Variants in PDZD4 observed in about 807,000 individuals in gnomAD.
PDZD4 encodes the protein PDZ domain containing 4.
In PDZD4, 9 loss-of-function variants were observed where a neutral mutation model predicts 38.5. The ratio of observed to expected loss-of-function variants is 0.23; its 90% CI spans 0.14 to 0.41. The LOEUF (loss-of-function observed/expected upper bound fraction) is 0.41. Among genes scored for constraint, PDZD4 ranks in the 10% least tolerant of loss-of-function variants. The pLI, the probability that PDZD4 is intolerant of heterozygous loss-of-function variation, is 1.00. For synonymous variants in PDZD4, 349 were observed against 315.7 expected (o/e 1.11, Z -1.12); for missense variants, 612 against 722.0 (o/e 0.85, Z 1.75).
intron 1 of PDZD4, among the ~76,000 whole-genome samples, chrX:153,815,112 G>A (rs1438011552): frequency 3.5e-5 from 4 of 112,978 alleles, no homozygotes; most frequent in Non-Finnish European, 5.6e-5. Flanking sequence ...GCCCCATGGC[G>A]ACTCTTCAGC....
At chrX:153,811,638 T>C (rs960846435) in intron 1 of PDZD4, among the ~76,000 whole-genome samples, 1 of 112,827 alleles carries the variant, frequency 8.9e-6, no homozygotes, top group African/African-American at 3.2e-5. Context: ...TACTTAAATC[T>C]TTGTGTAACC....
Position 153,808,353 on chromosome X carries a change from G to A in PDZD4, c.303C>T (p.Val101=). ...TPPMVILEPY[V]LSELPPISHE... is the part of the protein sequence containing the mutation. ...TGAGGGCGACTCACAGCTCAGAGAGGACGTACGGCTCCAGGATGACCATGG... is the reference window on the plus strand; with the variant it reads ...TGAGGGCGACTCACAGCTCAGAGAGAACGTACGGCTCCAGGATGACCATGG... Residue 101 remains valine (V), a synonymous_variant, in exon 2 of 8, where the codon GTC becomes GTT. Coordinates refer to ENST00000393758, the MANE Select transcript of PDZD4 (RefSeq NM_001303512.2). 3 of 1,208,340 alleles carry A rather than the reference G, an allele frequency of 2.5e-6. No homozygotes were observed. The highest frequency in any genetic ancestry group is 3.4e-6 in the Non-Finnish European group (3 of 893,936).
Position 153,804,183 on chromosome X carries a change from G to A in PDZD4, c.1498C>T (p.Arg500Trp), listed in dbSNP as rs782586281. 1.8e-5 allele frequency: 21 copies of A among 1,188,807 alleles called. No individual in the cohort carries two copies. The Admixed American group carries it at 1.8e-4, about 10-fold the overall frequency. The change falls in exon 8 of 8, where the codon CGG (arginine) becomes TGG (tryptophan). Residue 500 changes from arginine to tryptophan, a missense_variant. Around this residue, in one of 3 missense-constraint regions of PDZD4, gnomAD observed 300 missense variants for 284.6 expected, o/e 1.05. Transcript: ENST00000393758. ...AAGTTGGAGTTGCCGGCCATGGCCC[G>A]CCGCAGGGGGCTCTCGGGCAGGGGC... ...VEPLPESPLR[R>W]AMAGNSNLNR...
intron 2 of PDZD4, among the ~76,000 whole-genome samples, chrX:153,807,616 C>T (rs1330244567): frequency 6.2e-5 from 6 of 96,901 alleles, no homozygotes; most frequent in Admixed American, 1.3e-4. Flanking sequence ...ATGCCTCTAG[C>T]GTTCCCGTCC....
intron 1 of PDZD4, 68 bp downstream of exon 1, chrX:153,830,171 G>A: frequency 1.9e-6 from 2 of 1,036,786 alleles, no homozygotes; most frequent in Non-Finnish European, 2.6e-6. Context: ...CCGCCGCTCC[G>A]GGCCTCCCCA....
intron 1 of PDZD4, among the ~76,000 whole-genome samples, chrX:153,822,917 A>G (rs2064441525): frequency 9.0e-6 from 1 of 110,510 alleles, no homozygotes. Context: ...ACTACATCAC[A>G]CTTCTTCAAA....
chrX:153,811,943 GTTGTCAAACACAGCGATTATTGGTATT>G (rs1433109333), intron 1 of PDZD4, among the ~76,000 whole-genome samples: 19 of 112,251 alleles, frequency 1.7e-4, no homozygotes, highest in African/African-American at 6.2e-4. Context: ...TTGGAAGCCA[GTTGTCAAACACAGCGATTATTGGTATT>G]TTAACCGTAG....
At chrX:153,808,097 CT>C in intron 2 of PDZD4, 1 of 1,064,675 alleles carries the variant, frequency 9.4e-7, no homozygotes. Flanking sequence ...AACCCTGGCA[CT>C]TCCGGCAGCG....
At chrX:153,827,929 C>A (rs947185677) in intron 1 of PDZD4, among the ~76,000 whole-genome samples, 1 of 111,961 alleles carries the variant, frequency 8.9e-6, no homozygotes, top group Non-Finnish European at 1.9e-5. Flanking sequence ...CAAGGCTAGG[C>A]TAGAGACTTG....
In PDZD4 at chrX:153,830,521, G is replaced by A. The variant is rs2064532310; in HGVS notation, c.-223C>T. ...AGGCCAGGCGCGGGCATGCTCCCTCGCACCCGGCCAGGAGAAAAAGGGCAG... is the reference window on the plus strand; with the variant it reads ...AGGCCAGGCGCGGGCATGCTCCCTCACACCCGGCCAGGAGAAAAAGGGCAG... On this transcript the variant is annotated 5_prime_UTR_variant, in exon 1 of 8. Coordinates refer to ENST00000393758, the MANE Select transcript of PDZD4 (RefSeq NM_001303512.2). 3.4e-6 allele frequency: 1 copy of A among 293,493 alleles called. No individual in the cohort carries two copies. 24.2% of individuals were successfully genotyped at this position (293,493 alleles called of 1,213,427 possible).
In PDZD4 at chrX:153,817,964, G is replaced by A. The variant is rs372880668; in HGVS notation, c.61-9369C>T. On this transcript the variant is annotated intron_variant, in intron 1 of 7. Coordinates refer to ENST00000393758, the MANE Select transcript of PDZD4 (RefSeq NM_001303512.2). Reference sequence around the variant, plus strand: ...TCTTTATTTAAAATCATAAGATGACGGCCAGGCACGGTGGCTCAAGCCTGT... The same window carrying A: ...TCTTTATTTAAAATCATAAGATGACAGCCAGGCACGGTGGCTCAAGCCTGT... Among the ~76,000 whole-genome samples, 5 of 112,437 alleles carry A rather than the reference G, an allele frequency of 4.4e-5. No individual in the cohort carries two copies. The East Asian group carries it at 8.3e-4, about 19-fold the overall frequency.
At position 153,803,165 on chromosome X, in the gene PDZD4, G is replaced by A. The variant is rs1463369228; in HGVS notation, c.*188C>T. 2 of 318,003 alleles carry A rather than the reference G, an allele frequency of 6.3e-6. No individual in the cohort carries two copies. Among genetic ancestry groups the A allele is most frequent in the Non-Finnish European group, 1.1e-5 (2 of 186,989 alleles). The allele number at this position is 318,003 out of a possible 1,213,427, so 26.2% of individuals were successfully genotyped here. A position where few individuals can be genotyped will look rare whatever the true frequency, so the allele number is the denominator to read the frequency against. On this transcript the variant is annotated 3_prime_UTR_variant, in exon 8 of 8. Transcript: ENST00000393758. ...TTACTTGGGCAGAAGGAAGAAAAGC[G>A]TCCCTTCTCCTCAGGGGCTTCTCTC...
chrX:153,819,990 T>G (rs1325880184), intron 1 of PDZD4, among the ~76,000 whole-genome samples: 2 of 111,394 alleles, frequency 1.8e-5, no homozygotes, highest in Non-Finnish European at 3.8e-5. Context: ...TCCGCACTCA[T>G]ACAATGGGCC....
intron 4 of PDZD4, 125 bp from the exon 5 acceptor site, chrX:153,806,258 C>T (rs1190823444): frequency 9.0e-6 from 6 of 663,285 alleles, no homozygotes; most frequent in Non-Finnish European, 1.5e-5. Context: ...CAGCTCTGAG[C>T]CCCAGGAAGC....
At chrX:153,828,071 CA>C (rs1311822302) in intron 1 of PDZD4, among the ~76,000 whole-genome samples, 15 of 111,436 alleles carry the variant, frequency 1.3e-4, no homozygotes, top group African/African-American at 4.2e-4. Context: ...CGAGGTTACT[CA>C]GGGGGGACAG....
At chrX:153,821,288 C>T (rs1557081218) in intron 1 of PDZD4, among the ~76,000 whole-genome samples, 2 of 110,398 alleles carry the variant, frequency 1.8e-5, no homozygotes, top group East Asian at 2.9e-4. Flanking sequence ...ACATGTATAC[C>T]GGTAGGGGTG....
chrX:153,804,956 G>T, intron 7 of PDZD4, 56 bp from the exon 8 acceptor site: 1 of 1,145,361 alleles, frequency 8.7e-7, no homozygotes, highest in Non-Finnish European at 1.2e-6. Context: ...GGATGTCACG[G>T]GATGTCACAG....
At chrX:153,821,533 G>T (rs782215466) in intron 1 of PDZD4, among the ~76,000 whole-genome samples, 1 of 110,357 alleles carries the variant, frequency 9.1e-6, no homozygotes, top group Non-Finnish European at 1.9e-5. Flanking sequence ...GTGGTTTGGG[G>T]CTACCATAGA....
chrX:153,806,652 T>C (rs3747309), intron 4 of PDZD4, 90 bp downstream of exon 4: 242,432 of 836,916 alleles, frequency 0.29, 27,465 homozygotes, highest in East Asian at 0.63. Context: ...GATGCCCTGT[T>C]TCTGGTAGCT....
Sources: allele counts gnomAD v4.1 joint callset (sites outside exome capture counted in the v4.1 genomes callset), GRCh38; gene constraint gnomAD v4.1.1; regional missense constraint gnomAD v4.1.1; transcripts MANE v1.5; gene names NCBI Gene and HGNC (gene_info 2026-07-23, HGNC 2026-07-21).